Variants in MFHAS1 observed in about 807,000 individuals in gnomAD.
MFHAS1 encodes the protein malignant fibrous histiocytoma-amplified sequence 1.
Under a neutral mutation model 70.4 loss-of-function variants are expected in MFHAS1, and 50 were observed. The observed-to-expected ratio is 0.71, with a 90% CI of 0.57 to 0.90. The LOEUF is 0.90. MFHAS1 is among the 40% of genes least tolerant of loss of function. The pLI is 0.00. For missense variants in MFHAS1, 1,795 were observed against 1,347.6 expected (o/e 1.33, Z -5.20); for synonymous variants, 952 against 620.0 (o/e 1.54, Z -7.96).
At chr8:8,842,990 G>A (rs941653475) in intron 1 of MFHAS1, among the ~76,000 whole-genome samples, 1 of 152,202 alleles carries the variant, frequency 6.6e-6, no homozygotes. Context: ...AAGAGGCCGG[G>A]CGCGGTGGCT....
At chr8:8,883,691 G>A (rs188992671) in intron 1 of MFHAS1, among the ~76,000 whole-genome samples, 44 of 115,114 alleles carry the variant, frequency 3.8e-4, no homozygotes, top group African/African-American at 1.5e-3. Flanking sequence ...CTGGGCAACA[G>A]AGCGAGACTC....
chr8:8,800,790 T>C (rs891426854), intron 1 of MFHAS1, among the ~76,000 whole-genome samples: 17 of 152,168 alleles, frequency 1.1e-4, no homozygotes, highest in Non-Finnish European at 2.1e-4. Flanking sequence ...TTTATCTGCC[T>C]GGACACTCAG....
At chr8:8,848,319 G>A (rs542510810) in intron 1 of MFHAS1, among the ~76,000 whole-genome samples, 6 of 150,876 alleles carry the variant, frequency 4.0e-5, no homozygotes, top group East Asian at 2.0e-4. Context: ...TTTACACACC[G>A]CTGAACCCGT....
intron 1 of MFHAS1, among the ~76,000 whole-genome samples, chr8:8,817,940 C>G (rs1806808943): frequency 6.6e-6 from 1 of 152,220 alleles, no homozygotes. Flanking sequence ...CCCTGCAGCC[C>G]AGTTCCTAAC....
At chr8:8,861,224 C>A (rs994420790) in intron 1 of MFHAS1, among the ~76,000 whole-genome samples, 1 of 152,224 alleles carries the variant, frequency 6.6e-6, no homozygotes, top group South Asian at 2.1e-4. Flanking sequence ...TTGTGTCTTA[C>A]AAAATCCTTG....
At chr8:8,835,527 C>G (rs1442874938) in intron 1 of MFHAS1, among the ~76,000 whole-genome samples, 1 of 152,118 alleles carries the variant, frequency 6.6e-6, no homozygotes, top group East Asian at 1.9e-4. Flanking sequence ...GAAGATGTTT[C>G]TACAAGGAAA....
rs565266504 is a variant in MFHAS1, at chr8:8,785,093, G to C, written c.*929C>G. ...TGCTAAGTAAGGTACTTATTAAGCAGAGCACTTTGTAAGATTCAGAACTGA... is the reference window on the plus strand; with the variant it reads ...TGCTAAGTAAGGTACTTATTAAGCACAGCACTTTGTAAGATTCAGAACTGA... On this transcript the variant is annotated 3_prime_UTR_variant, in exon 3 of 3. Coordinates refer to ENST00000276282, the MANE Select transcript of MFHAS1 (RefSeq NM_004225.3). 8 of 152,172 alleles carry C rather than the reference G, an allele frequency of 5.3e-5. No individual in the cohort carries two copies. The highest frequency in any genetic ancestry group is 1.9e-4 in the African/African-American group (8 of 41,462). The allele number at this position is 152,172 out of a possible 1,614,324, so 9.4% of individuals were successfully genotyped here.
chr8:8,851,676 T>A (rs1437237728), intron 1 of MFHAS1, among the ~76,000 whole-genome samples: 2 of 152,236 alleles, frequency 1.3e-5, no homozygotes, highest in African/African-American at 4.8e-5. Context: ...TTATACCCCT[T>A]CCTCTTGCCT....
chr8:8,806,068 G>T (rs146638132), intron 1 of MFHAS1, among the ~76,000 whole-genome samples: 1 of 152,134 alleles, frequency 6.6e-6, no homozygotes, highest in Admixed American at 6.6e-5. Flanking sequence ...CTGTAGCATT[G>T]TTCCCTACGT....
At chr8:8,851,032 G>A (rs954856812) in intron 1 of MFHAS1, among the ~76,000 whole-genome samples, 6 of 152,014 alleles carry the variant, frequency 3.9e-5, no homozygotes, top group African/African-American at 9.7e-5. Context: ...GAATCTCCTC[G>A]ACTTTATCAC....
chr8:8,883,664 C>G (rs184232708), intron 1 of MFHAS1, among the ~76,000 whole-genome samples: 3 of 132,596 alleles, frequency 2.3e-5, no homozygotes, highest in Non-Finnish European at 4.7e-5. Flanking sequence ...GCTCAGACAG[C>G]GCCACTACAC....
At chr8:8,816,669 CAT>C (rs1806758989) in intron 1 of MFHAS1, among the ~76,000 whole-genome samples, 1 of 152,124 alleles carries the variant, frequency 6.6e-6, no homozygotes, top group African/African-American at 2.4e-5. Flanking sequence ...AGAAAGTTCT[CAT>C]ATTAATAATA....
chr8:8,857,205 C>G (rs1387912527), intron 1 of MFHAS1, among the ~76,000 whole-genome samples: 1 of 152,160 alleles, frequency 6.6e-6, no homozygotes, highest in Non-Finnish European at 1.5e-5. Flanking sequence ...ACAGAAAGTT[C>G]ATGAGACATC....
intron 1 of MFHAS1, among the ~76,000 whole-genome samples, chr8:8,813,098 C>G (rs1053433536): frequency 6.6e-6 from 1 of 152,120 alleles, no homozygotes; most frequent in Non-Finnish European, 1.5e-5. Context: ...CAATGGTAGA[C>G]CCCACATTTA....
intron 1 of MFHAS1, among the ~76,000 whole-genome samples, chr8:8,881,285 T>C (rs934776070): frequency 1.3e-5 from 2 of 152,224 alleles, no homozygotes; most frequent in African/African-American, 4.8e-5. Context: ...GAATGTTTCC[T>C]TCTTGGTCTC....
chr8:8,851,711 G>C (rs1004250860), intron 1 of MFHAS1, among the ~76,000 whole-genome samples: 1 of 152,074 alleles, frequency 6.6e-6, no homozygotes, highest in African/African-American at 2.4e-5. Flanking sequence ...CATTCACTGA[G>C]TAACACTTTA....
chr8:8,848,339 T>G (rs185230508), intron 1 of MFHAS1, among the ~76,000 whole-genome samples: 8 of 152,038 alleles, frequency 5.3e-5, no homozygotes, highest in African/African-American at 1.7e-4. Flanking sequence ...TGTTAGCCAT[T>G]TGGAGGGAGT....
intron 1 of MFHAS1, among the ~76,000 whole-genome samples, chr8:8,827,555 T>A (rs188125295): frequency 2.1e-4 from 32 of 152,382 alleles, no homozygotes; most frequent in Non-Finnish European, 3.5e-4. Context: ...CAATGAACAT[T>A]GGTTTAACTA....
Position 8,824,073 on chromosome 8 carries a change from C to CT in MFHAS1, c.2999-26583dup, listed in dbSNP as rs532238010. On this transcript the variant is annotated intron_variant, in intron 1 of 2. Coordinates refer to ENST00000276282, the MANE Select transcript of MFHAS1 (RefSeq NM_004225.3). ...AGTTCCCCCTAGGAGCTCAGGCTAC[C>CT]TGCCTGTGAGGCAGAACTAAATCTA... Among the ~76,000 whole-genome samples, 48 of 151,290 alleles carry CT rather than the reference C, an allele frequency of 3.2e-4. 1 individual carries two copies. The Middle Eastern group carries it at 0.02, about 64-fold the overall frequency.
Sources: allele counts gnomAD v4.1 joint callset (sites outside exome capture counted in the v4.1 genomes callset), GRCh38; gene constraint gnomAD v4.1.1; transcripts MANE v1.5; gene names NCBI Gene and HGNC (gene_info 2026-07-23, HGNC 2026-07-21).